The following FUNDC2 variants were observed in gnomAD, a reference collection of about 807,000 sequenced individuals.
The protein encoded by FUNDC2 is FUN14 domain-containing protein 2.
Under a neutral mutation model 15.6 loss-of-function variants are expected in FUNDC2, and 4 were observed. That is an observed-to-expected ratio of 0.26 (90% confidence interval 0.13 to 0.59). The LOEUF is 0.59. Ranked by LOEUF, FUNDC2 falls within the 20% of genes least tolerant of loss-of-function variation. The pLI, the probability that FUNDC2 is intolerant of heterozygous loss-of-function variation, is 0.90. For missense variants in FUNDC2, 98 were observed against 149.7 expected, an observed-to-expected ratio of 0.65 and a Z score of 1.80; for synonymous variants, 44 against 56.9, an observed-to-expected ratio of 0.77 and a Z score of 1.02.
chrX:155,037,846 A>C (rs2124189350), intron 2 of FUNDC2, among the ~76,000 whole-genome samples: 1 of 111,775 alleles, frequency 8.9e-6, no homozygotes, highest in South Asian at 3.8e-4. Context: ...AATTTTTTAG[A>C]ATCCAATTTG....
chrX:155,043,035 C>T (rs1201167262), intron 2 of FUNDC2, among the ~76,000 whole-genome samples: 2 of 111,587 alleles, frequency 1.8e-5, no homozygotes, highest in African/African-American at 6.5e-5. Context: ...CTCCTGGGCT[C>T]AAGAGATCCT....
chrX:155,032,280 CT>C (rs200923469), intron 1 of FUNDC2, among the ~76,000 whole-genome samples: 6,213 of 62,739 alleles, frequency 0.099, 176 homozygotes, highest in African/African-American at 0.15. Flanking sequence ...CTGGTGCCTT[CT>C]TTTTTTTTTT....
intron 2 of FUNDC2, among the ~76,000 whole-genome samples, chrX:155,037,168 A>G (rs1193375263): frequency 8.9e-6 from 1 of 111,885 alleles, no homozygotes; most frequent in East Asian, 2.8e-4. Context: ...TGATACCATT[A>G]TAAATGGTAT....
At chrX:155,041,662 T>C (rs2073846484) in intron 2 of FUNDC2, among the ~76,000 whole-genome samples, 1 of 111,580 alleles carries the variant, frequency 9.0e-6, no homozygotes, top group African/African-American at 3.3e-5. Flanking sequence ...ACATTAAAAA[T>C]GTTATTTCAT....
intron 3 of FUNDC2, chrX:155,049,981 T>G (rs891787187): frequency 4.5e-5 from 5 of 112,157 alleles, no homozygotes; most frequent in African/African-American, 1.6e-4. Context: ...TTTTTGTTTT[T>G]TGTTGAAGTC....
chrX:155,030,802 C>T (rs1205986488), intron 1 of FUNDC2, among the ~76,000 whole-genome samples: 2 of 106,877 alleles, frequency 1.9e-5, no homozygotes, highest in African/African-American at 6.8e-5. Context: ...TCTCCCATCT[C>T]AGCCTCCTGA....
Position 155,056,794 on chromosome X carries a change from C to A in FUNDC2, c.*2122C>A, listed in dbSNP as rs1557290986. The A allele has an allele frequency of 9.0e-6, 1 of 111,537 alleles. No individual in the cohort carries two copies. The highest frequency in any genetic ancestry group is 1.9e-5 in the Non-Finnish European group (1 of 53,117). 9.2% of individuals were successfully genotyped at this position (111,537 alleles called of 1,213,427 possible). On this transcript the variant is annotated 3_prime_UTR_variant, in exon 5 of 5. Coordinates refer to ENST00000369498, the MANE Select transcript of FUNDC2 (RefSeq NM_023934.4). ...GGGAGACTGGCCACCCAATGCCTCT[C>A]CAGTGGGGTAGGGGTTGTCTTTTGG...
intron 4 of FUNDC2, among the ~76,000 whole-genome samples, chrX:155,052,321 T>A (rs2073881598): frequency 8.9e-6 from 1 of 112,479 alleles, no homozygotes; most frequent in Non-Finnish European, 1.9e-5. Flanking sequence ...TGCTAACCCC[T>A]GATCTTGTTC....
At chrX:155,053,677 A>C in intron 4 of FUNDC2, 1 of 184,377 alleles carries the variant, frequency 5.4e-6, no homozygotes, top group Non-Finnish European at 8.4e-6. Flanking sequence ...TCCTAGGAGG[A>C]TGGGGTTGGT....
chrX:155,037,903 G>A (rs996529127), intron 2 of FUNDC2, among the ~76,000 whole-genome samples: 3 of 111,155 alleles, frequency 2.7e-5, no homozygotes, highest in Non-Finnish European at 5.7e-5. Context: ...TTACATTTAA[G>A]TTTATTTTTA....
chrX:155,027,097 G>C (rs782306905), intron 1 of FUNDC2, 26 bp downstream of exon 1: 1 of 1,095,192 alleles, frequency 9.1e-7, no homozygotes, highest in South Asian at 2.2e-5. Context: ...CGCGCGGCCG[G>C]CGCCGCGGGG....
At position 155,058,203 on chromosome X, in the gene FUNDC2, G is replaced by C. The variant is rs1384148745; in HGVS notation, c.*3531G>C. ...AGTTACTGTCTCATGGATGCTGGCA[G>C]AAGACGATTCAAGTTGGCGGACTAG... On this transcript the variant is annotated 3_prime_UTR_variant, in exon 5 of 5. Coordinates refer to ENST00000369498, the MANE Select transcript of FUNDC2 (RefSeq NM_023934.4). The C allele has an allele frequency of 9.0e-6, 1 of 111,569 alleles. No individual in the cohort carries two copies. The highest frequency in any genetic ancestry group is 1.9e-5 in the Non-Finnish European group (1 of 53,154). 9.2% of individuals were successfully genotyped at this position (111,569 alleles called of 1,213,427 possible). A position where few individuals can be genotyped will look rare whatever the true frequency, so the allele number is the denominator to read the frequency against.
chrX:155,027,243 C>T, intron 1 of FUNDC2, 172 bp downstream of exon 1: 2 of 455,349 alleles, frequency 4.4e-6, no homozygotes, highest in South Asian at 8.0e-5. Flanking sequence ...TCCCAGGGTC[C>T]GGCCAAGGTC....
rs1464927831 is a variant in FUNDC2, at chrX:155,056,705, A to C, written c.*2033A>C. The C allele has an allele frequency of 1.8e-5, 2 of 111,246 alleles. No homozygotes were observed. Among genetic ancestry groups the C allele is most frequent in the African/African-American group, 6.6e-5 (2 of 30,524 alleles). 9.2% of individuals were successfully genotyped at this position (111,246 alleles called of 1,213,427 possible). A position where few individuals can be genotyped will look rare whatever the true frequency, so the allele number is the denominator to read the frequency against. On this transcript the variant is annotated 3_prime_UTR_variant, in exon 5 of 5. Coordinates refer to ENST00000369498, the MANE Select transcript of FUNDC2 (RefSeq NM_023934.4). ...GCCACTTTACCTGTGTGACTTACCC[A>C]CAGCAATGGGATGGTAACAGCAAAG...
At chrX:155,037,993 G>A (rs891973241) in intron 2 of FUNDC2, among the ~76,000 whole-genome samples, 19 of 109,782 alleles carry the variant, frequency 1.7e-4, no homozygotes, top group African/African-American at 5.0e-4. Context: ...TTGGGAGGCC[G>A]AGGCAGGTGG....
intron 2 of FUNDC2, among the ~76,000 whole-genome samples, chrX:155,037,131 G>A (rs956054944): frequency 9.0e-5 from 10 of 111,258 alleles, no homozygotes; most frequent in Admixed American, 2.9e-4. Flanking sequence ...TCTTATATCA[G>A]ATTTATTCCT....
chrX:155,047,624 T>C (rs1415867801), intron 3 of FUNDC2, among the ~76,000 whole-genome samples: 2 of 111,115 alleles, frequency 1.8e-5, no homozygotes, highest in African/African-American at 6.6e-5. Flanking sequence ...CAGAGTCTCA[T>C]GTGGTTACAG....
intron 3 of FUNDC2, among the ~76,000 whole-genome samples, chrX:155,047,903 C>T (rs1235999687): frequency 3.6e-5 from 4 of 110,897 alleles, no homozygotes; most frequent in African/African-American, 9.9e-5. Context: ...GGGCTTGTTA[C>T]GTGCTGGCTC....
chrX:155,036,913 T>A (rs2073832330), intron 2 of FUNDC2, among the ~76,000 whole-genome samples: 1 of 111,414 alleles, frequency 9.0e-6, no homozygotes, highest in Non-Finnish European at 1.9e-5. Context: ...TTTTGAGTAT[T>A]CTAGGTATTT....
Sources: allele counts gnomAD v4.1 joint callset (sites outside exome capture counted in the v4.1 genomes callset), GRCh38; gene constraint gnomAD v4.1.1; transcripts MANE v1.5; gene names NCBI Gene and HGNC (gene_info 2026-07-23, HGNC 2026-07-21).